The following IPO9 variants were observed in gnomAD, a reference collection of about 807,000 sequenced individuals.
IPO9 encodes importin-9.
Under a neutral mutation model 128.6 loss-of-function variants are expected in IPO9, and 28 were observed. That is an observed-to-expected ratio of 0.22 (90% CI 0.16 to 0.30). IPO9 has a LOEUF of 0.30. Among genes scored for constraint, IPO9 ranks in the 10% least tolerant of loss-of-function variants. The pLI is 1.00. For synonymous variants in IPO9, 455 were observed against 475.8 expected (o/e 0.96, Z 0.57); for missense variants, 935 against 1,293.9 (o/e 0.72, Z 4.26).
In IPO9 at chr1:201,854,534, A is replaced by G; in HGVS notation, c.691-61A>G. ...CCTTTCAAATATCAGTGTTTGATATATATGTGTTGAAGCCATGGATTAGGG... is the reference window on the plus strand; with the variant it reads ...CCTTTCAAATATCAGTGTTTGATATGTATGTGTTGAAGCCATGGATTAGGG... On this transcript the variant is annotated intron_variant, in intron 6 of 23. Coordinates refer to ENST00000361565, the MANE Select transcript of IPO9 (RefSeq NM_018085.5). The G allele has an allele frequency of 1.9e-6, 3 of 1,594,070 alleles. 1 individual carries two copies. The highest frequency in any genetic ancestry group is 2.2e-4 in the Middle Eastern group (1 of 4,482).
chr1:201,857,152 A>C lies in IPO9; in HGVS notation c.1179A>C (p.Thr393=), dbSNP rs370968508. Residue 393 remains threonine (T), a synonymous_variant, in exon 11 of 24, where the codon ACA becomes ACC. Transcript: ENST00000361565. ...TTGTAGAAGATGAAGATGATGATAC[A>C]TTCTCCTATACTGTTAGAATAGCAG... The part of the protein sequence containing the change: ...QQFVEDEDDD[T]FSYTVRIAAQ... The C allele has an allele frequency of 7.4e-6, 12 of 1,613,302 alleles. No individual in the cohort carries two copies. The highest frequency in any genetic ancestry group is 1.3e-5 in the African/African-American group (1 of 74,932).
Position 201,829,204 on chromosome 1 carries a change from G to C in IPO9, c.-6G>C. 1 of 1,538,366 alleles carries C rather than the reference G, an allele frequency of 6.5e-7. No individual in the cohort carries two copies. The highest frequency in any genetic ancestry group is 2.0e-5 in the Admixed American group (1 of 49,934). ...CCGCGGGGCTGGCGGGCTGAGGGGA[G>C]AAAAGATGGCGGCGGCGGCGGCAGC... On this transcript the variant is annotated 5_prime_UTR_variant, in exon 1 of 24. Coordinates refer to ENST00000361565, the MANE Select transcript of IPO9 (RefSeq NM_018085.5).
Position 201,869,594 on chromosome 1 carries a change from C to T in IPO9, c.2009C>T (p.Ala670Val). 1 of 1,614,036 alleles carries T rather than the reference C, an allele frequency of 6.2e-7. No homozygotes were observed. Among genetic ancestry groups the T allele is most frequent in the Non-Finnish European group, 8.5e-7 (1 of 1,179,956 alleles). ...TCTTTTTCTTCTCTCTTTCAGACAG[C>T]CATTGATATCCTGACAACAGTAGTA... is the stretch of plus-strand genomic sequence containing the variant. ...DKIPAGLCAT[A>V]IDILTTVVRN... Residue 670 changes from alanine to valine, a missense_variant, in exon 17 of 24, where the codon GCC becomes GTC. Ala to Val is a moderately conservative substitution (Grantham distance 64, BLOSUM62 0). Coordinates refer to ENST00000361565, the MANE Select transcript of IPO9 (RefSeq NM_018085.5).
intron 11 of IPO9, 86 bp from the exon 12 acceptor site, chr1:201,858,361 C>T (rs982661716): frequency 1.5e-6 from 1 of 676,136 alleles, no homozygotes; most frequent in African/African-American, 1.8e-5. Flanking sequence ...GAACCAATCA[C>T]TTCTAACAGT....
intron 14 of IPO9, among the ~76,000 whole-genome samples, chr1:201,866,012 A>G (rs148124935): frequency 4.9e-4 from 75 of 152,322 alleles, no homozygotes; most frequent in Middle Eastern, 6.8e-3. Flanking sequence ...CTGGATCTTA[A>G]ATGCCATGCT....
At chr1:201,858,138 G>C (rs1312869912) in intron 11 of IPO9, among the ~76,000 whole-genome samples, 1 of 152,186 alleles carries the variant, frequency 6.6e-6, no homozygotes, top group African/African-American at 2.4e-5. Context: ...GTCTCCAAGA[G>C]AGCAAATATT....
At chr1:201,874,973 C>A (rs1486087169) in intron 22 of IPO9, 37 bp downstream of exon 22, 5 of 1,491,034 alleles carry the variant, frequency 3.4e-6, no homozygotes, top group Middle Eastern at 1.7e-4. Context: ...ATGGTAAATA[C>A]CTTTTCTTTG....
In IPO9 at chr1:201,868,780, C is replaced by T; in HGVS notation, c.1988C>T (p.Pro663Leu). 1 of 1,611,762 alleles carries T rather than the reference C, an allele frequency of 6.2e-7. No homozygotes were observed. Among genetic ancestry groups the T allele is most frequent in the South Asian group, 1.1e-5 (1 of 90,760 alleles). The change falls in exon 16 of 24, where the codon CCT becomes CTT. Residue 663 changes from proline (P) to leucine (L), a missense_variant. By Grantham distance (98) the Pro-to-Leu change is moderately conservative. Around this residue, in one of 3 missense-constraint regions of IPO9, gnomAD observed 741 missense variants for 1,019.1 expected, o/e 0.73. Transcript: ENST00000361565. ...SIMQAPADKI[P>L]AGLCATAIDI... ...ATGCAGGCCCCAGCAGACAAGATTCCTGCAGGGCTTTGTGCGGTAAGTGGC... is the reference window on the plus strand; with the variant it reads ...ATGCAGGCCCCAGCAGACAAGATTCTTGCAGGGCTTTGTGCGGTAAGTGGC...
chr1:201,854,246 C>A (rs977620761), intron 6 of IPO9, among the ~76,000 whole-genome samples: 1 of 152,206 alleles, frequency 6.6e-6, no homozygotes, highest in Non-Finnish European at 1.5e-5. Flanking sequence ...TATCCTATAT[C>A]CTTTTCATAG....
At position 201,882,955 on chromosome 1, in the gene IPO9, T is replaced by C. The variant is rs1057261818; in HGVS notation, c.*6901T>C. On this transcript the variant is annotated 3_prime_UTR_variant, in exon 24 of 24. Transcript: ENST00000361565. ...CTGACTCACTGGATTACACTGTGAC[T>C]CAGTTCAATTTCACACATGCTGCTG... 1 of 152,660 alleles carries C rather than the reference T, an allele frequency of 6.6e-6. No homozygotes were observed. Among genetic ancestry groups the C allele is most frequent in the African/African-American group, 2.4e-5 (1 of 41,448 alleles). The allele number at this position is 152,660 out of a possible 1,614,324, so 9.5% of individuals were successfully genotyped here.
intron 9 of IPO9, among the ~76,000 whole-genome samples, chr1:201,855,407 A>G (rs1680313256): frequency 6.6e-6 from 1 of 152,222 alleles, no homozygotes; most frequent in Admixed American, 6.5e-5. Flanking sequence ...GAATTTCTGC[A>G]TTGGAAGAGA....
Position 201,863,627 on chromosome 1 carries a change from G to T in IPO9, c.1628+20G>T, listed in dbSNP as rs750011526. The stretch of plus-strand genomic sequence containing the variant: ...CTGGGGGTGAGTATGCTACCCTAGC[G>T]TGATAATTAAGGGAAAGTTGCTCAG... On this transcript the variant is annotated intron_variant, in intron 14 of 23. Coordinates refer to ENST00000361565, the MANE Select transcript of IPO9 (RefSeq NM_018085.5). 6.4e-7 allele frequency: 1 copy of T among 1,556,594 alleles called. No homozygotes were observed. The highest frequency in any genetic ancestry group is 8.8e-7 in the Non-Finnish European group (1 of 1,135,920).
chr1:201,845,162 A>C lies in IPO9; in HGVS notation c.164-2117A>C, dbSNP rs373962010. On this transcript the variant is annotated intron_variant, in intron 1 of 23. Transcript: ENST00000361565. ...CTCTCGAGTAGCTGGGATTACAGGC[A>C]TGTGCCACCATATCCGGCTAATTTT... 3.2e-3 allele frequency among the ~76,000 whole-genome samples: 480 copies of C among 152,174 alleles called. 2 individuals carry two copies. The highest frequency in any genetic ancestry group is 4.7e-3 in the Non-Finnish European group (321 of 67,990).
At chr1:201,868,934 C>T in intron 16 of IPO9, 138 bp downstream of exon 16, 1 of 1,290,294 alleles carries the variant, frequency 7.8e-7, no homozygotes, top group Non-Finnish European at 1.0e-6. Context: ...CCTGCAAGGA[C>T]AGTGGGTGAT....
intron 1 of IPO9, among the ~76,000 whole-genome samples, chr1:201,840,128 C>T (rs1401906852): frequency 6.6e-6 from 1 of 152,312 alleles, no homozygotes; most frequent in Middle Eastern, 3.4e-3. Context: ...GTCACTCTGT[C>T]GCCCAGGCTG....
chr1:201,850,459 C>T (rs180918927), intron 4 of IPO9: 1 of 152,106 alleles, frequency 6.6e-6, no homozygotes, highest in Admixed American at 6.5e-5. Flanking sequence ...TGAGAACCAA[C>T]TAAGGCTCAT....
chr1:201,840,939 G>T (rs1405968281), intron 1 of IPO9, among the ~76,000 whole-genome samples: 1 of 152,120 alleles, frequency 6.6e-6, no homozygotes, highest in African/African-American at 2.4e-5. Flanking sequence ...GTAAAGAAGT[G>T]GGTAATGAAA....
intron 3 of IPO9, 125 bp from the exon 4 acceptor site, chr1:201,848,268 G>A: frequency 1.3e-6 from 1 of 755,874 alleles, no homozygotes; most frequent in Non-Finnish European, 2.3e-6. Flanking sequence ...TTTGTGTATA[G>A]GAGTTTTCTG....
intron 14 of IPO9, among the ~76,000 whole-genome samples, chr1:201,864,169 A>C (rs1005721663): frequency 5.3e-5 from 8 of 152,248 alleles, no homozygotes; most frequent in Non-Finnish European, 8.8e-5. Context: ...ACTGAATCCT[A>C]TAACTACCAA....
Sources: allele counts gnomAD v4.1 joint callset (sites outside exome capture counted in the v4.1 genomes callset), GRCh38; gene constraint gnomAD v4.1.1; regional missense constraint gnomAD v4.1.1; transcripts MANE v1.5; gene names NCBI Gene and HGNC (gene_info 2026-07-23, HGNC 2026-07-21).